The following TXLNB variants were observed in gnomAD, a reference collection of about 807,000 sequenced individuals.
TXLNB encodes taxilin beta, also known as beta-taxilin.
Under a neutral mutation model 57.4 loss-of-function variants are expected in TXLNB, and 37 were observed. That is an observed-to-expected ratio of 0.64 (90% CI 0.50 to 0.85). The LOEUF (loss-of-function observed/expected upper bound fraction) is 0.85, where lower values mean the gene tolerates loss of function less well. TXLNB is among the 40% of genes least tolerant of loss of function. The pLI is 0.00. For missense variants in TXLNB, 848 were observed against 825.6 expected (o/e 1.03, Z -0.33); for synonymous variants, 302 against 309.6 (o/e 0.98, Z 0.26).
In TXLNB at chr6:139,240,998, C is replaced by G. The variant is rs1381211721; in HGVS notation, c.*1528G>C. On this transcript the variant is annotated 3_prime_UTR_variant, in exon 10 of 10. Transcript: ENST00000358430. ...TCTCCCTCCTTCCTTTCTTCCTTCC[C>G]TTTCCTCTCTCTCCCTCTCTTCTTT... The G allele has an allele frequency of 1.3e-5, 2 of 152,312 alleles. No homozygotes were observed. The highest frequency in any genetic ancestry group is 1.3e-4 in the Admixed American group (2 of 15,272). 9.4% of individuals were successfully genotyped at this position (152,312 alleles called of 1,614,324 possible). A position where few individuals can be genotyped will look rare whatever the true frequency, so the allele number is the denominator to read the frequency against.
the TXLNB span, among the ~76,000 whole-genome samples, chr6:139,218,477 G>T: frequency 6.6e-6 from 1 of 152,130 alleles, no homozygotes; most frequent in Non-Finnish European, 1.5e-5. Flanking sequence ...TATAGGCCAG[G>T]CGTGGTGGCT....
the TXLNB span, among the ~76,000 whole-genome samples, chr6:139,168,581 T>TCTAC: frequency 1.3e-5 from 2 of 152,082 alleles, no homozygotes; most frequent in Non-Finnish European, 2.9e-5. Context: ...CCCTCCTGCT[T>TCTAC]CTACCTGTCC....
intron 5 of TXLNB, 117 bp downstream of exon 5, chr6:139,262,462 C>T: frequency 1.2e-6 from 1 of 851,672 alleles, no homozygotes; most frequent in East Asian, 2.8e-5. Context: ...GAAATCCAAT[C>T]CTAAATATTA....
chr6:139,282,024 C>G (rs1018645468), intron 2 of TXLNB, among the ~76,000 whole-genome samples: 1 of 151,600 alleles, frequency 6.6e-6, no homozygotes, highest in Non-Finnish European at 1.5e-5. Flanking sequence ...CTTCTGTAAA[C>G]TCTCCTCCCT....
the TXLNB span, among the ~76,000 whole-genome samples, chr6:139,159,407 C>G: frequency 6.6e-6 from 1 of 152,310 alleles, no homozygotes; most frequent in African/African-American, 2.4e-5. Context: ...CACTTTTACA[C>G]AGCTAGTATC....
chr6:139,247,960 A>G, intron 7 of TXLNB, 51 bp from the exon 8 acceptor site: 1 of 1,092,090 alleles, frequency 9.2e-7, no homozygotes, highest in South Asian at 1.5e-5. Flanking sequence ...AGAAGAAAAC[A>G]TGTCATTGTT....
chr6:139,310,442 C>T, the TXLNB span, among the ~76,000 whole-genome samples: 2 of 152,282 alleles, frequency 1.3e-5, no homozygotes, highest in Middle Eastern at 3.4e-3. Flanking sequence ...CCTTCCAAAA[C>T]AGAAGCTATC....
the TXLNB span, among the ~76,000 whole-genome samples, chr6:139,302,083 AT>A: frequency 0.056 from 8,545 of 152,212 alleles, 596 homozygotes; most frequent in East Asian, 0.15. Context: ...ATGATAAAAA[AT>A]GTATTTGAAT....
downstream of TXLNB, among the ~76,000 whole-genome samples, chr6:139,238,709 T>C (rs1775863794): frequency 6.6e-6 from 1 of 152,226 alleles, no homozygotes. Context: ...AAATGGAAAT[T>C]ATTTAAACCT....
At chr6:139,304,843 T>C in the TXLNB span, among the ~76,000 whole-genome samples, 1 of 152,194 alleles carries the variant, frequency 6.6e-6, no homozygotes, top group Non-Finnish European at 1.5e-5. Flanking sequence ...GTGTCCACTT[T>C]TCTATAAATG....
chr6:139,166,160 C>A, the TXLNB span: 2 of 769,390 alleles, frequency 2.6e-6, no homozygotes, highest in East Asian at 2.6e-5. Flanking sequence ...TTTAAAGGAA[C>A]CCTGGAACTG....
At chr6:139,174,807 G>T in the TXLNB span, among the ~76,000 whole-genome samples, 51 of 152,260 alleles carry the variant, frequency 3.3e-4, no homozygotes, top group African/African-American at 1.2e-3. Context: ...GCTTGCATTT[G>T]TAAGTAAGTG....
chr6:139,216,192 G>C, the TXLNB span, among the ~76,000 whole-genome samples: 23 of 151,698 alleles, frequency 1.5e-4, no homozygotes, highest in Non-Finnish European at 2.5e-4. Flanking sequence ...TATTGCGGCA[G>C]TATTCACAAT....
At chr6:139,291,241 G>A (rs947941864) in intron 1 of TXLNB, among the ~76,000 whole-genome samples, 33 of 152,254 alleles carry the variant, frequency 2.2e-4, no homozygotes, top group Non-Finnish European at 4.3e-4. Context: ...CAAGAGAATC[G>A]TTTTTCAGTC....
At chr6:139,194,671 A>G in the TXLNB span, among the ~76,000 whole-genome samples, 2 of 152,202 alleles carry the variant, frequency 1.3e-5, no homozygotes, top group South Asian at 2.1e-4. Flanking sequence ...CAGTTGATCC[A>G]TCTGCTTCTG....
At chr6:139,312,565 T>G in the TXLNB span, among the ~76,000 whole-genome samples, 2 of 152,134 alleles carry the variant, frequency 1.3e-5, no homozygotes, top group Non-Finnish European at 2.9e-5. Context: ...AGTTTGAACT[T>G]AGCTGCATGA....
chr6:139,181,225 C>T, the TXLNB span, among the ~76,000 whole-genome samples: 14 of 152,338 alleles, frequency 9.2e-5, no homozygotes, highest in African/African-American at 2.9e-4. Context: ...AAGGCCTTGT[C>T]GGCATGATTT....
chr6:139,208,828 A>G, the TXLNB span, among the ~76,000 whole-genome samples: 2 of 152,234 alleles, frequency 1.3e-5, no homozygotes, highest in Non-Finnish European at 2.9e-5. Flanking sequence ...CCCACAGCCA[A>G]TATTATACTG....
chr6:139,235,070 C>T (rs1775820738), downstream of TXLNB, among the ~76,000 whole-genome samples: 1 of 152,176 alleles, frequency 6.6e-6, no homozygotes, highest in African/African-American at 2.4e-5. Context: ...GAACCTGTAG[C>T]CCCTTTGTTA....
Sources: allele counts gnomAD v4.1 joint callset (sites outside exome capture counted in the v4.1 genomes callset), GRCh38; gene constraint gnomAD v4.1.1; transcripts MANE v1.5; gene names NCBI Gene and HGNC (gene_info 2026-07-23, HGNC 2026-07-21).